The following PLXDC2 variants were observed in gnomAD, a reference collection of about 807,000 sequenced individuals.
PLXDC2 encodes the protein plexin domain-containing protein 2.
A neutral mutation model predicts 68.9 loss-of-function variants in PLXDC2; 40 were observed. The observed-to-expected ratio is 0.58, with a 90% CI of 0.45 to 0.76. The LOEUF is 0.76. Ranked by LOEUF, PLXDC2 falls within the 30% of genes least tolerant of loss-of-function variation. PLXDC2 has a pLI of 0.00. For synonymous variants in PLXDC2, 243 were observed against 234.2 expected, an observed-to-expected ratio of 1.04 and a Z score of -0.34; for missense variants, 644 against 661.9, an observed-to-expected ratio of 0.97 and a Z score of 0.30.
At chr10:20,230,705 A>AAAAAAAAAAAC (rs1835351495) in intron 12 of PLXDC2, among the ~76,000 whole-genome samples, 1 of 149,588 alleles carries the variant, frequency 6.7e-6, no homozygotes, top group Non-Finnish European at 1.5e-5. Context: ...AAAAAAAAAA[A>AAAAAAAAAAAC]AAAAAAAAAC....
chr10:19,891,701 A>G (rs1356918017), intron 1 of PLXDC2, among the ~76,000 whole-genome samples: 1 of 152,190 alleles, frequency 6.6e-6, no homozygotes, highest in Non-Finnish European at 1.5e-5. Context: ...GCTAGGCATG[A>G]TTGAGGAAAC....
In PLXDC2 at chr10:20,217,529, C is replaced by T; in HGVS notation, c.1226C>T (p.Thr409Ile). 1 of 1,611,756 alleles carries T rather than the reference C, an allele frequency of 6.2e-7. No homozygotes were observed. The highest frequency in any genetic ancestry group is 1.1e-5 in the South Asian group (1 of 90,904). ...ACCCAGTTCAGGGTCCTAACTACCA[C>T]CAGAAGAGCAGTGACTTCTCAGTTT... ...TTTQFRVLTT[T>I]RRAVTSQFPT... Residue 409 changes from threonine to isoleucine, a missense_variant, in exon 11 of 14, where the codon ACC (threonine) becomes ATC (isoleucine). Thr to Ile is a moderately conservative substitution (Grantham distance 89). Around this residue, in one of 3 missense-constraint regions of PLXDC2, gnomAD observed 330 missense variants for 327.9 expected, o/e 1.01. Transcript: ENST00000377252.
intron 1 of PLXDC2, among the ~76,000 whole-genome samples, chr10:19,841,595 T>C (rs1836909062): frequency 6.7e-6 from 1 of 149,524 alleles, no homozygotes; most frequent in Non-Finnish European, 1.5e-5. Context: ...CTTTTCCCCA[T>C]CTATTTTGGT....
At chr10:20,176,390 A>ATGTGTGTGTGTGTGTG (rs66825907) in intron 7 of PLXDC2, among the ~76,000 whole-genome samples, 24 of 149,438 alleles carry the variant, frequency 1.6e-4, no homozygotes, top group African/African-American at 5.2e-4. Context: ...TCGCACAGTT[A>ATGTGTGTGTGTGTGTG]TGTGTGTGTG....
chr10:19,897,673 A>G (rs886867447), intron 1 of PLXDC2, among the ~76,000 whole-genome samples: 1 of 152,212 alleles, frequency 6.6e-6, no homozygotes, highest in Non-Finnish European at 1.5e-5. Context: ...TGGTTTTTTT[A>G]AATGAACACT....
chr10:19,935,104 T>A (rs1589544627), intron 1 of PLXDC2, among the ~76,000 whole-genome samples: 1 of 152,188 alleles, frequency 6.6e-6, no homozygotes, highest in Non-Finnish European at 1.5e-5. Flanking sequence ...CATTTATCTG[T>A]GGGGGCTTTT....
intron 13 of PLXDC2, among the ~76,000 whole-genome samples, chr10:20,270,230 C>A (rs936548290): frequency 6.6e-6 from 1 of 151,864 alleles, no homozygotes; most frequent in Non-Finnish European, 1.5e-5. Flanking sequence ...AATACAGGAG[C>A]CATGTGAAGG....
intron 1 of PLXDC2, among the ~76,000 whole-genome samples, chr10:19,961,958 C>A (rs1474863039): frequency 6.6e-6 from 1 of 152,120 alleles, no homozygotes; most frequent in East Asian, 1.9e-4. Context: ...AGAGAGCTTG[C>A]TCCAATTATA....
At position 20,090,901 on chromosome 10, in the gene PLXDC2, A is replaced by G. The variant is rs139946853; in HGVS notation, c.541+22662A>G. On this transcript the variant is annotated intron_variant, in intron 4 of 13. Transcript: ENST00000377252. ...ATGAATGTGCTATCCCATTGGCACA[A>G]TTCTTATATTAAGGTATTTTCCTTA... Among the ~76,000 whole-genome samples, 52 of 152,310 alleles carry G rather than the reference A, an allele frequency of 3.4e-4. No homozygotes were observed. In the East Asian group the frequency reaches 8.5e-3, roughly 25 times the overall value.
intron 7 of PLXDC2, among the ~76,000 whole-genome samples, chr10:20,171,731 A>G (rs11812496): frequency 0.043 from 6,470 of 152,200 alleles, 448 homozygotes; most frequent in African/African-American, 0.15. Flanking sequence ...CTTGTGGTTA[A>G]ATTCTTTCTT....
At chr10:19,917,723 T>C (rs16919556) in intron 1 of PLXDC2, among the ~76,000 whole-genome samples, 3,534 of 152,326 alleles carry the variant, frequency 0.023, 55 homozygotes, top group African/African-American at 0.036. Context: ...GTCCATGATA[T>C]GTGTCAATAG....
At chr10:20,158,887 A>G (rs926339102) in intron 6 of PLXDC2, among the ~76,000 whole-genome samples, 6 of 152,136 alleles carry the variant, frequency 3.9e-5, no homozygotes, top group Non-Finnish European at 8.8e-5. Context: ...CTTTGATGAC[A>G]TTAGACATTT....
chr10:19,930,441 A>T (rs755327273), intron 1 of PLXDC2, among the ~76,000 whole-genome samples: 8 of 152,192 alleles, frequency 5.3e-5, no homozygotes, highest in Admixed American at 1.3e-4. Context: ...TGCTGACTTA[A>T]AGGATATGTT....
chr10:20,239,017 A>G lies in PLXDC2; in HGVS notation c.1313-6328A>G, dbSNP rs553479648. On this transcript the variant is annotated intron_variant, in intron 12 of 13. Transcript: ENST00000377252. ...CCTTTACTTTGGAGATTTTTAAAGT[A>G]TATTCCTGTATTTCCATTTTTGGCT... Among the ~76,000 whole-genome samples, 13 of 152,150 alleles carry G rather than the reference A, an allele frequency of 8.5e-5. No homozygotes were observed. The East Asian group carries it at 2.5e-3, about 29-fold the overall frequency.
At chr10:19,889,257 T>A (rs189830332) in intron 1 of PLXDC2, among the ~76,000 whole-genome samples, 11 of 152,066 alleles carry the variant, frequency 7.2e-5, no homozygotes, top group African/African-American at 2.4e-4. Flanking sequence ...ACAAGCTCTG[T>A]CTCTTCTTTT....
At chr10:20,102,588 G>A (rs138448576) in intron 4 of PLXDC2, among the ~76,000 whole-genome samples, 212 of 152,294 alleles carry the variant, frequency 1.4e-3, no homozygotes, top group African/African-American at 4.8e-3. Flanking sequence ...TAAGGGGTAC[G>A]AGAAAAATAG....
chr10:20,047,022 GT>G lies in PLXDC2; in HGVS notation c.471+10del. The G allele has an allele frequency of 6.3e-7, 1 of 1,585,300 alleles. No homozygotes were observed. The highest frequency in any genetic ancestry group is 1.2e-5 in the South Asian group (1 of 86,266). ...TACTCATCGGCAAGCTGCAGTAAGT[GT>G]TTGGACATTCAGGGTTCATTTTACC... On this transcript the variant is annotated splice_region_variant and intron_variant, in intron 3 of 13. Coordinates refer to ENST00000377252, the MANE Select transcript of PLXDC2 (RefSeq NM_032812.9).
chr10:19,882,245 T>C (rs1837740712), intron 1 of PLXDC2, among the ~76,000 whole-genome samples: 1 of 152,218 alleles, frequency 6.6e-6, no homozygotes, highest in African/African-American at 2.4e-5. Flanking sequence ...TCACTTATGT[T>C]TATTTCTGCC....
rs377584021 is a variant in PLXDC2, at chr10:19,987,786, G to C, written c.113-13989G>C. ...TCACCTTGTTGGCCAGGATGGTCTC[G>C]ATCGATCTCCCGACCTTGTGATCCT... On this transcript the variant is annotated intron_variant, in intron 1 of 13. Coordinates refer to ENST00000377252, the MANE Select transcript of PLXDC2 (RefSeq NM_032812.9). Among the ~76,000 whole-genome samples, 3 of 151,604 alleles carry C rather than the reference G, an allele frequency of 2.0e-5. No individual in the cohort carries two copies. In the South Asian group the frequency reaches 6.2e-4, roughly 32 times the overall value.
Sources: allele counts gnomAD v4.1 joint callset (sites outside exome capture counted in the v4.1 genomes callset), GRCh38; gene constraint gnomAD v4.1.1; regional missense constraint gnomAD v4.1.1; transcripts MANE v1.5; gene names NCBI Gene and HGNC (gene_info 2026-07-23, HGNC 2026-07-21).